CDH4: variants seen among roughly 807,000 people sequenced by gnomAD.
The protein encoded by CDH4 is cadherin-4.
CDH4 carries 33 observed loss-of-function variants against 86.0 expected under a neutral mutation model. The ratio of observed to expected loss-of-function variants is 0.38; its 90% CI spans 0.29 to 0.51. The LOEUF (loss-of-function observed/expected upper bound fraction) is 0.51. Among genes scored for constraint, CDH4 ranks in the 20% least tolerant of loss-of-function variants. The pLI, the probability that CDH4 is intolerant of heterozygous loss-of-function variation, is 0.86. For missense variants in CDH4, 1,114 were observed against 1,307.4 expected, an observed-to-expected ratio of 0.85 and a Z score of 2.28; for synonymous variants, 555 against 549.4, an observed-to-expected ratio of 1.01 and a Z score of -0.14.
chr20:61,329,197 G>A (rs1424139244), intron 2 of CDH4, among the ~76,000 whole-genome samples: 1 of 151,642 alleles, frequency 6.6e-6, no homozygotes, highest in African/African-American at 2.4e-5. Flanking sequence ...TAGTTCAGCT[G>A]TCATTTAAGT....
At chr20:61,755,084 A>G (rs1031596931) in intron 3 of CDH4, 2 of 152,194 alleles carry the variant, frequency 1.3e-5, no homozygotes, top group African/African-American at 4.8e-5. Flanking sequence ...GAAGAAGCAA[A>G]ATGAAAACCC....
intron 2 of CDH4, among the ~76,000 whole-genome samples, chr20:61,472,522 A>T (rs964394817): frequency 4.0e-5 from 6 of 151,382 alleles, no homozygotes; most frequent in African/African-American, 1.2e-4. Flanking sequence ...CTTGCTTTTC[A>T]TTTTTTTTGT....
chr20:61,586,142 G>C (rs1416389055), intron 2 of CDH4, among the ~76,000 whole-genome samples: 1 of 152,086 alleles, frequency 6.6e-6, no homozygotes, highest in East Asian at 1.9e-4. Context: ...TGGTCATGAC[G>C]GTGATTGTGG....
At chr20:61,640,919 G>A (rs1568728626) in intron 2 of CDH4, among the ~76,000 whole-genome samples, 1 of 152,226 alleles carries the variant, frequency 6.6e-6, no homozygotes, top group Non-Finnish European at 1.5e-5. Flanking sequence ...GATGGGGGAA[G>A]CGAGTGGTGC....
At chr20:61,361,712 G>A (rs1048599666) in intron 2 of CDH4, among the ~76,000 whole-genome samples, 14 of 152,190 alleles carry the variant, frequency 9.2e-5, no homozygotes, top group African/African-American at 2.7e-4. Context: ...GCTGGAGCCC[G>A]AGTCAGGAAA....
intron 4 of CDH4, among the ~76,000 whole-genome samples, chr20:61,839,645 T>A (rs1463151200): frequency 1.3e-5 from 2 of 151,974 alleles, no homozygotes; most frequent in Non-Finnish European, 2.9e-5. Flanking sequence ...TGTGTTTGTG[T>A]CGTGTACATG....
At chr20:61,900,249 G>A (rs74780268) in intron 8 of CDH4, among the ~76,000 whole-genome samples, 2,608 of 152,340 alleles carry the variant, frequency 0.017, 67 homozygotes, top group African/African-American at 0.059. Flanking sequence ...ACGATTCAGC[G>A]TGAGTTCCTG....
rs2085698047 is a variant in CDH4 at position 61,501,158 on chromosome 20, C to T, written c.170-242405C>T. On this transcript the variant is annotated intron_variant, in intron 2 of 15. Transcript: ENST00000614565. This position sits in a 1 kb window ranked among gnomAD's most constrained non-coding sequence, Gnocchi z 4.2. ...CCAAAACAGGCCACATCCGCTCCTGCTCTGAGCTACAATAGACTCAGGCTG... is the reference window on the plus strand; with the variant it reads ...CCAAAACAGGCCACATCCGCTCCTGTTCTGAGCTACAATAGACTCAGGCTG... Among the ~76,000 whole-genome samples the T allele has an allele frequency of 6.6e-6, 1 of 152,202 alleles. No homozygotes were observed. The highest frequency in any genetic ancestry group is 6.5e-5 in the Admixed American group (1 of 15,280).
At chr20:61,735,618 G>GT (rs1417875164) in intron 2 of CDH4, among the ~76,000 whole-genome samples, 4 of 152,202 alleles carry the variant, frequency 2.6e-5, no homozygotes, top group Non-Finnish European at 2.9e-5. Context: ...TGCGGGGACT[G>GT]AGGCCACATC....
chr20:61,812,852 C>T (rs1399061770), intron 4 of CDH4, among the ~76,000 whole-genome samples: 1 of 152,190 alleles, frequency 6.6e-6, no homozygotes, highest in Non-Finnish European at 1.5e-5. Context: ...GCCATGCAAG[C>T]TTCTTCCTGC....
chr20:61,867,778 G>A (rs1983615508), intron 6 of CDH4, among the ~76,000 whole-genome samples: 1 of 152,166 alleles, frequency 6.6e-6, no homozygotes, highest in African/African-American at 2.4e-5. Flanking sequence ...TTAATGAAGA[G>A]CTAATGTGAT....
chr20:61,589,757 C>T (rs2086503743), intron 2 of CDH4, among the ~76,000 whole-genome samples: 1 of 151,890 alleles, frequency 6.6e-6, no homozygotes, highest in Non-Finnish European at 1.5e-5. Flanking sequence ...TCCCTCCCCT[C>T]TCCCCCCATA....
At chr20:61,415,369 G>A (rs1454721499) in intron 2 of CDH4, among the ~76,000 whole-genome samples, 2 of 152,184 alleles carry the variant, frequency 1.3e-5, no homozygotes, top group African/African-American at 4.8e-5. Context: ...TTATTGTGGT[G>A]AATGTATTTA....
At chr20:61,359,576 G>A (rs2084772901) in intron 2 of CDH4, among the ~76,000 whole-genome samples, 1 of 152,234 alleles carries the variant, frequency 6.6e-6, no homozygotes, top group African/African-American at 2.4e-5. Context: ...TGAAGCAGGT[G>A]CTCCGTGTCC....
intron 2 of CDH4, among the ~76,000 whole-genome samples, chr20:61,537,823 G>C (rs373478476): frequency 1.4e-4 from 22 of 152,334 alleles, no homozygotes; most frequent in African/African-American, 5.3e-4. Flanking sequence ...GTTAGACTAG[G>C]AGAGAATGGT....
chr20:61,893,060 G>C (rs114709673), intron 7 of CDH4, among the ~76,000 whole-genome samples: 1 of 146,858 alleles, frequency 6.8e-6, no homozygotes, highest in Non-Finnish European at 1.5e-5. Flanking sequence ...TGAATAGAGA[G>C]ATAGATGGAT....
At chr20:61,533,141 G>A (rs931001435) in intron 2 of CDH4, among the ~76,000 whole-genome samples, 3 of 152,160 alleles carry the variant, frequency 2.0e-5, no homozygotes, top group Admixed American at 6.5e-5. Flanking sequence ...GCACAGAGAA[G>A]AAGGGGACTT....
At chr20:61,924,253 G>T in intron 10 of CDH4, 81 bp from the exon 11 acceptor site, 2 of 1,400,998 alleles carry the variant, frequency 1.4e-6, no homozygotes, top group East Asian at 2.3e-5. Context: ...GGCCCTGGAG[G>T]TGTGGCCAAG....
intron 2 of CDH4, among the ~76,000 whole-genome samples, chr20:61,320,170 G>T (rs962469464): frequency 6.6e-6 from 1 of 152,110 alleles, no homozygotes; most frequent in African/African-American, 2.4e-5. Flanking sequence ...TGCTGATGTT[G>T]CAGGGCCTAT....
Sources: gnomAD v4.1 joint callset for allele counts (sites outside exome capture counted in the v4.1 genomes callset) on GRCh38, gnomAD v4.1.1 for gene constraint, Gnocchi (gnomAD v3.1) non-coding constraint, MANE v1.5 for transcripts, NCBI Gene and HGNC (gene_info 2026-07-23, HGNC 2026-07-21) for gene names.